TMEM245: variants seen among roughly 807,000 people sequenced by gnomAD.
TMEM245 encodes the protein protein CG-2.
Under a neutral mutation model 101.2 loss-of-function variants are expected in TMEM245, and 69 were observed. The ratio of observed to expected loss-of-function variants is 0.68; its 90% CI spans 0.56 to 0.83. TMEM245 has a LOEUF of 0.83. Among genes scored for constraint, TMEM245 ranks in the 40% least tolerant of loss-of-function variants. The pLI is 0.00. For missense variants in TMEM245, 1,075 were observed against 1,092.8 expected, an observed-to-expected ratio of 0.98 and a Z score of 0.23; for synonymous variants, 537 against 449.8, an observed-to-expected ratio of 1.19 and a Z score of -2.45.
chr9:109,104,358 AC>A (rs1588077665), intron 3 of TMEM245, among the ~76,000 whole-genome samples: 1 of 152,000 alleles, frequency 6.6e-6, no homozygotes, highest in Non-Finnish European at 1.5e-5. Flanking sequence ...ATTAAAAAAA[AC>A]ACTAAAAAAT....
intron 14 of TMEM245, among the ~76,000 whole-genome samples, chr9:109,044,429 G>C (rs1192266562): frequency 6.6e-6 from 1 of 152,154 alleles, no homozygotes; most frequent in Non-Finnish European, 1.5e-5. Context: ...ATGAAGAAAA[G>C]GAGGAGTGAA....
chr9:109,033,260 C>G lies in TMEM245; in HGVS notation c.2594+47G>C, dbSNP rs1381273695. On this transcript the variant is annotated intron_variant, in intron 17 of 17. Coordinates refer to ENST00000374586, the MANE Select transcript of TMEM245 (RefSeq NM_032012.4). ...CTACTTATCAAATACAGAGACAGGA[C>G]AGTTCAATGTATAAATACAGCTTAT... The G allele has an allele frequency of 2.6e-6, 4 of 1,515,064 alleles. No homozygotes were observed. The African/African-American group carries it at 5.5e-5, about 21-fold the overall frequency. 93.9% of individuals were successfully genotyped at this position (1,515,064 alleles called of 1,614,324 possible). A position where few individuals can be genotyped will look rare whatever the true frequency, so the allele number is the denominator to read the frequency against.
chr9:109,082,015 A>T (rs1829679610), intron 7 of TMEM245, among the ~76,000 whole-genome samples: 1 of 152,220 alleles, frequency 6.6e-6, no homozygotes. Context: ...TGCACTGCTC[A>T]ACCCCAAGGT....
intron 9 of TMEM245, among the ~76,000 whole-genome samples, chr9:109,065,298 G>A (rs145975735): frequency 0.01 from 1,535 of 152,284 alleles, 11 homozygotes; most frequent in Non-Finnish European, 0.013. Context: ...AAACCTGTTA[G>A]AAATGAAAAA....
intron 14 of TMEM245, among the ~76,000 whole-genome samples, chr9:109,043,114 G>A (rs896567808): frequency 6.6e-6 from 1 of 151,978 alleles, no homozygotes; most frequent in Non-Finnish European, 1.5e-5. Flanking sequence ...AGGGTTCTTT[G>A]GAACCTAAAA....
chr9:109,076,394 G>C (rs1296115421), intron 8 of TMEM245, among the ~76,000 whole-genome samples: 1 of 107,098 alleles, frequency 9.3e-6, no homozygotes, highest in Admixed American at 9.6e-5. Flanking sequence ...GTGGGGGGGA[G>C]GGGGGAGGGA....
intron 9 of TMEM245, among the ~76,000 whole-genome samples, chr9:109,070,335 T>TA (rs1406913099): frequency 4.6e-5 from 7 of 152,164 alleles, no homozygotes; most frequent in Non-Finnish European, 1.0e-4. Context: ...ACAGGGGAAT[T>TA]AGTTTCCCTA....
At chr9:109,028,579 C>T (rs62575216) in intron 17 of TMEM245, among the ~76,000 whole-genome samples, 9,348 of 151,772 alleles carry the variant, frequency 0.062, 374 homozygotes, top group South Asian at 0.14. Context: ...ACATGTATGG[C>T]AAAGGTGGAT....
At chr9:109,114,239 C>A (rs1010156754) in intron 1 of TMEM245, among the ~76,000 whole-genome samples, 1 of 152,162 alleles carries the variant, frequency 6.6e-6, no homozygotes, top group Non-Finnish European at 1.5e-5. Context: ...AACTTAGAGT[C>A]AACATTTTTA....
Position 109,019,668 on chromosome 9 carries a change from A to AT in TMEM245, c.*791dup, listed in dbSNP as rs2132259073. On this transcript the variant is annotated 3_prime_UTR_variant, in exon 18 of 18. Coordinates refer to ENST00000374586, the MANE Select transcript of TMEM245 (RefSeq NM_032012.4). Reference sequence around the variant, plus strand: ...AAATCAGAGTATTGCTACACCTGAGATTTTTCACTTCAACCACCTGGAAGG... The same window carrying AT: ...AAATCAGAGTATTGCTACACCTGAGATTTTTTCACTTCAACCACCTGGAAGG... 1 of 152,704 alleles carries AT rather than the reference A, an allele frequency of 6.5e-6. No individual in the cohort carries two copies. Among genetic ancestry groups the AT allele is most frequent in the South Asian group, 2.1e-4 (1 of 4,832 alleles). 9.5% of individuals were successfully genotyped at this position (152,704 alleles called of 1,614,324 possible). A position where few individuals can be genotyped will look rare whatever the true frequency, so the allele number is the denominator to read the frequency against.
chr9:109,057,388 T>C, intron 11 of TMEM245, 66 bp from the exon 12 acceptor site: 1 of 1,556,926 alleles, frequency 6.4e-7, no homozygotes, highest in Non-Finnish European at 8.7e-7. Flanking sequence ...AGTATAAATG[T>C]CACATTTTGC....
At chr9:109,035,460 G>C (rs548280576) in intron 16 of TMEM245, among the ~76,000 whole-genome samples, 2 of 152,096 alleles carry the variant, frequency 1.3e-5, no homozygotes, top group Non-Finnish European at 2.9e-5. Flanking sequence ...CTAAAGTGTT[G>C]ATTCTGACTT....
intron 3 of TMEM245, among the ~76,000 whole-genome samples, chr9:109,103,945 C>A (rs1047194756): frequency 2.0e-5 from 3 of 151,888 alleles, no homozygotes; most frequent in African/African-American, 7.3e-5. Flanking sequence ...ATTAGCCAGG[C>A]ATGATGGCGG....
intron 4 of TMEM245, among the ~76,000 whole-genome samples, chr9:109,092,863 C>G (rs1411178538): frequency 1.3e-5 from 2 of 152,126 alleles, no homozygotes; most frequent in Admixed American, 6.5e-5. Flanking sequence ...CCACACAGGA[C>G]AACGAGTCCA....
intron 8 of TMEM245, among the ~76,000 whole-genome samples, chr9:109,077,157 T>C (rs1013774850): frequency 3.3e-5 from 5 of 152,068 alleles, no homozygotes; most frequent in Middle Eastern, 6.8e-3. Flanking sequence ...TGTTTCGTTT[T>C]TGTTTTCTTT....
At chr9:109,086,093 T>C (rs1306401460) in intron 6 of TMEM245, 73 bp from the exon 7 acceptor site, 3 of 1,505,188 alleles carry the variant, frequency 2.0e-6, no homozygotes, top group Non-Finnish European at 2.8e-6. Context: ...GCAACCATAG[T>C]ATGAAAAGAA....
At chr9:109,031,673 G>A (rs72760310) in intron 17 of TMEM245, among the ~76,000 whole-genome samples, 22,513 of 152,152 alleles carry the variant, frequency 0.15, 1,884 homozygotes, top group African/African-American at 0.19. Flanking sequence ...ACCTTGATAT[G>A]AGTAGTGGTT....
rs1279692458 is a variant in TMEM245 at position 109,020,475 on chromosome 9, T to A, written c.2625A>T (p.Lys875Asn). Residue 875 changes from lysine (K) to asparagine (N), a missense_variant, in exon 18 of 18, where the codon AAA becomes AAT. Around this residue, in one of 2 missense-constraint regions of TMEM245, gnomAD observed 267 missense variants for 351.3 expected, o/e 0.76. Coordinates refer to ENST00000374586, the MANE Select transcript of TMEM245 (RefSeq NM_032012.4). The stretch of plus-strand genomic sequence containing the variant: ...GGAAACCACATCAACCTACTGAAGA[T>A]TTCAGATCTTCAGAAATGTCACGGA... ...RTFRDISEDL[K>N]SSVG 1.2e-6 allele frequency: 2 copies of A among 1,614,144 alleles called. No homozygotes were observed. The highest frequency in any genetic ancestry group is 1.7e-4 in the Middle Eastern group (1 of 6,058).
intron 5 of TMEM245, among the ~76,000 whole-genome samples, chr9:109,089,166 C>A (rs541109533): frequency 2.9e-4 from 44 of 151,284 alleles, no homozygotes; most frequent in South Asian, 2.1e-3. Context: ...GGGGCTGAGG[C>A]AGGAGGATCA....
Sources: allele counts gnomAD v4.1 joint callset (sites outside exome capture counted in the v4.1 genomes callset), GRCh38; gene constraint gnomAD v4.1.1; regional missense constraint gnomAD v4.1.1; transcripts MANE v1.5; gene names NCBI Gene and HGNC (gene_info 2026-07-23, HGNC 2026-07-21).